PLEKHA6: variants seen among roughly 807,000 people sequenced by gnomAD.
PLEKHA6 encodes pleckstrin homology domain containing A6.
PLEKHA6 carries 60 observed loss-of-function variants against 116.7 expected under a neutral mutation model. The observed-to-expected ratio is 0.51, with a 90% CI of 0.42 to 0.64. The LOEUF is 0.64. Among genes scored for constraint, PLEKHA6 ranks in the 30% least tolerant of loss-of-function variants. The probability of loss-of-function intolerance (pLI) is 0.00; values close to 1 mark genes in which losing one functional copy is unlikely to be tolerated. For missense variants in PLEKHA6, 1,338 were observed against 1,422.7 expected (o/e 0.94, Z 0.96); for synonymous variants, 489 against 556.1 (o/e 0.88, Z 1.70).
At chr1:204,285,991 A>G (rs1337647155) in intron 1 of PLEKHA6, among the ~76,000 whole-genome samples, 3 of 152,130 alleles carry the variant, frequency 2.0e-5, no homozygotes, top group Non-Finnish European at 4.4e-5. Context: ...AGAAGCTGGC[A>G]TGGAGGAGGA....
chr1:204,374,353 C>A (rs1673829217), intron 1 of PLEKHA6, among the ~76,000 whole-genome samples: 1 of 152,176 alleles, frequency 6.6e-6, no homozygotes, highest in Admixed American at 6.5e-5. Flanking sequence ...GTGCTCCAAG[C>A]CTTTCCGGCT....
At chr1:204,305,240 C>T (rs989429438) in intron 1 of PLEKHA6, among the ~76,000 whole-genome samples, 1 of 152,124 alleles carries the variant, frequency 6.6e-6, no homozygotes. Flanking sequence ...CTGCTTCTTT[C>T]TCATTACTCT....
intron 1 of PLEKHA6, among the ~76,000 whole-genome samples, chr1:204,333,888 CA>C (rs978448799): frequency 3.3e-5 from 5 of 151,998 alleles, no homozygotes; most frequent in Admixed American, 6.5e-5. Context: ...CCCTCAAAAA[CA>C]AAAAACGTCC....
rs1659351924 is a variant in PLEKHA6 at position 204,218,853 on chromosome 1, T to C, written c.*3935A>G. 1 of 152,356 alleles carries C rather than the reference T, an allele frequency of 6.6e-6. No homozygotes were observed. The highest frequency in any genetic ancestry group is 1.5e-5 in the Non-Finnish European group (1 of 68,020). 9.4% of individuals were successfully genotyped at this position (152,356 alleles called of 1,614,324 possible). ...CCGAGTAGGAGACACACACCACATA[T>C]ACAAACCATTCATTTTATTTCCTGT... On this transcript the variant is annotated 3_prime_UTR_variant, in exon 23 of 23. Coordinates refer to ENST00000272203, the MANE Select transcript of PLEKHA6 (RefSeq NM_014935.5).
chr1:204,274,980 TGGGGGC>T, intron 1 of PLEKHA6, 171 bp from the exon 2 acceptor site: 27 of 23,246 alleles, frequency 1.2e-3, no homozygotes, highest in Non-Finnish European at 1.4e-3. Flanking sequence ...TGGATGAGGG[TGGGGGC>T]GGGGTGGGGG....
chr1:204,224,504 T>A (rs1660064788), intron 21 of PLEKHA6, among the ~76,000 whole-genome samples: 1 of 151,430 alleles, frequency 6.6e-6, no homozygotes, highest in Non-Finnish European at 1.5e-5. Context: ...TCCCCCACCC[T>A]ACCCTGGACT....
chr1:204,287,015 C>A (rs1669260188), intron 1 of PLEKHA6, among the ~76,000 whole-genome samples: 1 of 152,096 alleles, frequency 6.6e-6, no homozygotes. Flanking sequence ...GTTGGGTTTA[C>A]CTTATCGCTC....
At chr1:204,265,067 G>GC (rs1666616521) in intron 5 of PLEKHA6, 25 bp from the exon 6 acceptor site, 1 of 1,504,564 alleles carries the variant, frequency 6.6e-7, no homozygotes. Context: ...GGCACAAGAA[G>GC]GGTGTGTGTG....
chr1:204,255,781 G>T (rs575374153), intron 9 of PLEKHA6: 70 of 676,596 alleles, frequency 1.0e-4, no homozygotes, highest in Admixed American at 7.9e-4. Context: ...AAGAGTTAGC[G>T]ACAAGGACAA....
chr1:204,369,824 CTG>C (rs1348727676), intron 2 of PLEKHA6: 3 of 152,216 alleles, frequency 2.0e-5, no homozygotes, highest in Non-Finnish European at 4.4e-5. Context: ...AGCTGAAACA[CTG>C]AAGGTGACAC....
At chr1:204,276,637 GACACACACACACACACACACACACAC>G (rs10567692) in intron 1 of PLEKHA6, among the ~76,000 whole-genome samples, 1 of 136,828 alleles carries the variant, frequency 7.3e-6, no homozygotes, top group Admixed American at 7.4e-5. Context: ...CACTGGCACA[GACACACACACACACACACACACACAC>G]ACACACACAC....
Position 204,268,274 on chromosome 1 carries a change from C to T in PLEKHA6, c.141G>A (p.Lys47=), listed in dbSNP as rs1322599630. The change falls in exon 4 of 23, where the codon AAG becomes AAA. Residue 47 remains lysine, a synonymous_variant. Coordinates refer to ENST00000272203, the MANE Select transcript of PLEKHA6 (RefSeq NM_014935.5). ...GGTTCCGCTTCATGGAGTGTGAGCG[C>T]TTGCCAAAGGCGACGGCTTTGCGGG... The part of the protein sequence containing the change: ...RTARKAVAFG[K]RSHSMKRNPN... 3 of 1,612,466 alleles carry T rather than the reference C, an allele frequency of 1.9e-6. No homozygotes were observed. The highest frequency in any genetic ancestry group is 1.6e-4 in the Middle Eastern group (1 of 6,080).
At position 204,301,491 on chromosome 1, in the gene PLEKHA6, G is replaced by A. The variant is rs148465014; in HGVS notation, c.-94-26682C>T. The A allele has an allele frequency of 4.5e-5, 44 of 985,182 alleles. No homozygotes were observed. In the East Asian group the frequency reaches 1.8e-3, roughly 41 times the overall value. The allele number at this position is 985,182 out of a possible 1,614,324, so 61.0% of individuals were successfully genotyped here. A position where few individuals can be genotyped will look rare whatever the true frequency, so the allele number is the denominator to read the frequency against. On this transcript the variant is annotated intron_variant, in intron 1 of 22. Coordinates refer to ENST00000272203, the MANE Select transcript of PLEKHA6 (RefSeq NM_014935.5). ...AGACATGCCCACAGAGTCCAAACAC[G>A]CCACCCAAGTCCCCACCTCATTGGG... is the stretch of plus-strand genomic sequence containing the variant.
Position 204,299,551 on chromosome 1 carries a change from G to A in PLEKHA6, c.-94-24742C>T, listed in dbSNP as rs892196584. On this transcript the variant is annotated intron_variant, in intron 1 of 22. Transcript: ENST00000272203. Reference sequence around the variant, plus strand: ...GGAGCTCTGAGCCGGCAGCCAGCAAGCTGACACAGCTTTGAGACATTTTCC... The same window carrying A: ...GGAGCTCTGAGCCGGCAGCCAGCAAACTGACACAGCTTTGAGACATTTTCC... The A allele has an allele frequency of 2.3e-5, 20 of 857,442 alleles. No homozygotes were observed. In the African/African-American group the frequency reaches 3.3e-4, roughly 14 times the overall value. 53.1% of individuals were successfully genotyped at this position (857,442 alleles called of 1,614,324 possible).
At chr1:204,362,924 C>G (rs10494853), upstream of PLEKHA6, among the ~76,000 whole-genome samples, 20,576 of 152,222 alleles carry the variant, frequency 0.14, 1,978 homozygotes, top group African/African-American at 0.27. Context: ...CTTGACTATC[C>G]AGCCTGTTTT....
At chr1:204,325,564 C>A (rs1405497595) in intron 1 of PLEKHA6, among the ~76,000 whole-genome samples, 2 of 152,236 alleles carry the variant, frequency 1.3e-5, no homozygotes, top group African/African-American at 2.4e-5. Context: ...GAATGCCCAG[C>A]TGCCTGCTTG....
At chr1:204,376,208 G>A (rs1673866780) in intron 1 of PLEKHA6, among the ~76,000 whole-genome samples, 1 of 152,240 alleles carries the variant, frequency 6.6e-6, no homozygotes, top group Non-Finnish European at 1.5e-5. Flanking sequence ...TGGCAAGTAA[G>A]AGATCAGGAA....
intron 15 of PLEKHA6, among the ~76,000 whole-genome samples, chr1:204,244,086 T>G (rs989021382): frequency 2.6e-5 from 4 of 151,992 alleles, no homozygotes; most frequent in African/African-American, 7.2e-5. Context: ...CACCCAAAGT[T>G]CTGGGATTAC....
chr1:204,356,345 G>A (rs1673415564), intron 1 of PLEKHA6, among the ~76,000 whole-genome samples: 1 of 152,172 alleles, frequency 6.6e-6, no homozygotes, highest in Non-Finnish European at 1.5e-5. Context: ...GGCCGACGTG[G>A]GTGGATCACT....
Sources: allele counts gnomAD v4.1 joint callset (sites outside exome capture counted in the v4.1 genomes callset), GRCh38; gene constraint gnomAD v4.1.1; transcripts MANE v1.5; gene names NCBI Gene and HGNC (gene_info 2026-07-23, HGNC 2026-07-21).